DENND1A: variants seen among roughly 807,000 people sequenced by gnomAD.
The protein encoded by DENND1A is DENN domain-containing protein 1A.
DENND1A carries 51 observed loss-of-function variants against 113.7 expected under a neutral mutation model. The observed-to-expected ratio is 0.45, with a 90% CI of 0.36 to 0.57. DENND1A has a LOEUF of 0.57. Among genes scored for constraint, DENND1A ranks in the 20% least tolerant of loss-of-function variants. The probability of loss-of-function intolerance (pLI) is 0.00; values close to 1 mark genes in which losing one functional copy is unlikely to be tolerated. For missense variants in DENND1A, 1,258 were observed against 1,395.9 expected, an observed-to-expected ratio of 0.90 and a Z score of 1.57; for synonymous variants, 565 against 570.8, an observed-to-expected ratio of 0.99 and a Z score of 0.14.
intron 1 of DENND1A, among the ~76,000 whole-genome samples, chr9:123,926,976 G>C (rs1448419582): frequency 2.0e-5 from 3 of 151,974 alleles, no homozygotes; most frequent in African/African-American, 7.3e-5. Context: ...AGGGGGTGGG[G>C]GTGGCAACAG....
chr9:123,574,707 C>T (rs1589197497), intron 12 of DENND1A, among the ~76,000 whole-genome samples: 1 of 152,176 alleles, frequency 6.6e-6, no homozygotes, highest in African/African-American at 2.4e-5. Flanking sequence ...CCTCATCCCT[C>T]TTTTCCACTT....
intron 4 of DENND1A, chr9:123,759,216 T>C (rs914233114): frequency 1.3e-5 from 2 of 152,196 alleles, no homozygotes; most frequent in African/African-American, 4.8e-5. Flanking sequence ...TCCGTCACAG[T>C]TATGGCGGCT....
chr9:123,676,362 A>G (rs1404000497), intron 6 of DENND1A, among the ~76,000 whole-genome samples: 1 of 152,210 alleles, frequency 6.6e-6, no homozygotes, highest in East Asian at 1.9e-4. Flanking sequence ...AGCAATTCAG[A>G]TATGTGCCTC....
intron 19 of DENND1A, among the ~76,000 whole-genome samples, chr9:123,419,601 A>G (rs2045061869): frequency 6.6e-6 from 1 of 152,244 alleles, no homozygotes; most frequent in Admixed American, 6.5e-5. Flanking sequence ...GGGAAGACAA[A>G]GCCTTCTGTA....
At chr9:123,524,767 C>A (rs773851490) in intron 13 of DENND1A, among the ~76,000 whole-genome samples, 1 of 152,306 alleles carries the variant, frequency 6.6e-6, no homozygotes, top group South Asian at 2.1e-4. Context: ...CACTGTCCCA[C>A]GTACTCAACA....
chr9:123,560,881 C>T (rs1165429832), intron 12 of DENND1A, among the ~76,000 whole-genome samples: 2 of 152,152 alleles, frequency 1.3e-5, no homozygotes, highest in East Asian at 1.9e-4. Context: ...AAGCCCCAGC[C>T]CCACAGTGAT....
intron 12 of DENND1A, among the ~76,000 whole-genome samples, chr9:123,559,185 T>C (rs1210679841): frequency 6.6e-6 from 1 of 152,080 alleles, no homozygotes; most frequent in Non-Finnish European, 1.5e-5. Flanking sequence ...GAAAGAACCC[T>C]GGCTTCGGTG....
intron 13 of DENND1A, among the ~76,000 whole-genome samples, chr9:123,526,904 C>T (rs979717746): frequency 2.0e-5 from 3 of 152,208 alleles, no homozygotes; most frequent in Non-Finnish European, 1.5e-5. Context: ...TCATCTCACT[C>T]TTCCCCTCTG....
chr9:123,488,596 A>C (rs1368316785), intron 13 of DENND1A, among the ~76,000 whole-genome samples: 1 of 152,174 alleles, frequency 6.6e-6, no homozygotes, highest in African/African-American at 2.4e-5. Context: ...TTAGTTCTGT[A>C]AGAGACCCTC....
chr9:123,738,443 CTGTGTGTGTGTGTGTGTGTG>C lies in DENND1A; in HGVS notation c.302+19240_302+19259del, dbSNP rs59851560. Among the ~76,000 whole-genome samples the C allele has an allele frequency of 2.8e-5, 4 of 143,438 alleles. No individual in the cohort carries two copies. The East Asian group carries it at 8.3e-4, about 30-fold the overall frequency. 94.1% of individuals were successfully genotyped at this position (143,438 alleles called of 152,430 possible). A position where few individuals can be genotyped will look rare whatever the true frequency, so the allele number is the denominator to read the frequency against. ...TGAAAAACTGCCGTGTCAACAGCTT[CTGTGTGTGTGTGTGTGTGTG>C]TGTGTGTGTGTGTGTGTGTAGTGAT... On this transcript the variant is annotated intron_variant, in intron 5 of 23. Coordinates refer to ENST00000394215, the MANE Select transcript of DENND1A (RefSeq NM_001352964.2).
intron 2 of DENND1A, among the ~76,000 whole-genome samples, chr9:123,859,440 T>C (rs547686766): frequency 9.9e-5 from 15 of 151,466 alleles, no homozygotes; most frequent in African/African-American, 3.6e-4. Flanking sequence ...AATGCAGGTA[T>C]AGACCTAATT....
chr9:123,781,179 G>A (rs1831253169), intron 3 of DENND1A, among the ~76,000 whole-genome samples: 1 of 152,158 alleles, frequency 6.6e-6, no homozygotes, highest in South Asian at 2.1e-4. Flanking sequence ...TGTTTGTGCT[G>A]TTCTGTTGAA....
At chr9:123,851,154 T>C (rs1174314834) in intron 2 of DENND1A, among the ~76,000 whole-genome samples, 1 of 152,236 alleles carries the variant, frequency 6.6e-6, no homozygotes, top group Non-Finnish European at 1.5e-5. Flanking sequence ...AGTTTCTTTG[T>C]GCTCCTCCGT....
chr9:123,411,109 T>A (rs1162578392), intron 20 of DENND1A, among the ~76,000 whole-genome samples: 7 of 151,778 alleles, frequency 4.6e-5, no homozygotes, highest in African/African-American at 1.7e-4. Context: ...TTTTTTCTTT[T>A]AAGAGACAGG....
At chr9:123,632,889 C>T (rs1459518447) in intron 9 of DENND1A, among the ~76,000 whole-genome samples, 1 of 151,944 alleles carries the variant, frequency 6.6e-6, no homozygotes, top group African/African-American at 2.4e-5. Context: ...TGTGCATAGG[C>T]ACCTATTATA....
chr9:123,510,096 T>C (rs1028800126), intron 13 of DENND1A, among the ~76,000 whole-genome samples: 1 of 152,244 alleles, frequency 6.6e-6, no homozygotes, highest in African/African-American at 2.4e-5. Flanking sequence ...GCCCCAGCAG[T>C]GCGGCCTGCC....
rs565978258 is a variant in DENND1A, at chr9:123,443,396, C to T, written c.1357-2905G>A. Reference sequence around the variant, plus strand: ...CTCTAACCTAGAGCCTTGAATCTAGCACATGCTGTCAAATAAACCTTTGTA... The same window carrying T: ...CTCTAACCTAGAGCCTTGAATCTAGTACATGCTGTCAAATAAACCTTTGTA... On this transcript the variant is annotated intron_variant, in intron 18 of 23. Transcript: ENST00000394215. 6.6e-5 allele frequency among the ~76,000 whole-genome samples: 10 copies of T among 152,338 alleles called. No homozygotes were observed. In the East Asian group the frequency reaches 1.7e-3, roughly 26 times the overall value.
chr9:123,505,356 A>C (rs2134350973), intron 13 of DENND1A, among the ~76,000 whole-genome samples: 1 of 152,354 alleles, frequency 6.6e-6, no homozygotes, highest in Middle Eastern at 3.4e-3. Context: ...TTGTCTTTAA[A>C]GTGACTTGGG....
chr9:123,423,569 A>T (rs1406068496), intron 19 of DENND1A, among the ~76,000 whole-genome samples: 1 of 152,134 alleles, frequency 6.6e-6, no homozygotes, highest in Non-Finnish European at 1.5e-5. Context: ...GGTCATTTCT[A>T]ATGCTGGTGC....
Sources: allele counts gnomAD v4.1 joint callset (sites outside exome capture counted in the v4.1 genomes callset), GRCh38; gene constraint gnomAD v4.1.1; transcripts MANE v1.5; gene names NCBI Gene and HGNC (gene_info 2026-07-23, HGNC 2026-07-21).